The following TTC28 variants were observed in gnomAD, a reference collection of about 807,000 sequenced individuals.
The protein encoded by TTC28 is tetratricopeptide repeat domain 28, also known as tetratricopeptide repeat protein 28.
TTC28 carries 61 observed loss-of-function variants against 198.0 expected under a neutral mutation model. The ratio of observed to expected loss-of-function variants is 0.31; its 90% CI spans 0.25 to 0.38. The LOEUF (loss-of-function observed/expected upper bound fraction) is 0.38, where lower values mean the gene tolerates loss of function less well. TTC28 is among the 10% of genes least tolerant of loss of function. The probability of loss-of-function intolerance (pLI) is 1.00; values close to 1 mark genes in which losing one functional copy is unlikely to be tolerated. For synonymous variants in TTC28, 1,171 were observed against 1,297.8 expected (o/e 0.90, Z 2.10); for missense variants, 2,678 against 3,164.0 (o/e 0.85, Z 3.69).
intron 2 of TTC28, among the ~76,000 whole-genome samples, chr22:28,568,363 G>C (rs534792607): frequency 9.5e-4 from 145 of 152,312 alleles, no homozygotes; most frequent in African/African-American, 2.7e-3. Context: ...GTCCTAGCCA[G>C]AGCAATCAGA....
chr22:28,629,613 T>G lies in TTC28; in HGVS notation c.320A>C (p.Gln107Pro). The stretch of plus-strand genomic sequence containing the variant: ...TGCATCATCCAGTGCCTTGTCATAC[T>G]GCTGGATTTTCATGTAGGCTGCAGA... ...NRSAAYMKIQ[Q>P]YDKALDDAIK... Residue 107 changes from glutamine (Q) to proline (P), a missense_variant, in exon 2 of 23, where the codon CAG becomes CCG. Transcript: ENST00000397906. 1 of 1,551,740 alleles carries G rather than the reference T, an allele frequency of 6.4e-7. No homozygotes were observed. Among genetic ancestry groups the G allele is most frequent in the East Asian group, 2.4e-5 (1 of 40,922 alleles).
At chr22:28,064,188 A>G (rs1940663011) in intron 12 of TTC28, among the ~76,000 whole-genome samples, 1 of 152,174 alleles carries the variant, frequency 6.6e-6, no homozygotes, top group African/African-American at 2.4e-5. Flanking sequence ...TGGTCATGTT[A>G]TATTTAGTTT....
intron 2 of TTC28, among the ~76,000 whole-genome samples, chr22:28,378,367 A>G (rs1164621016): frequency 6.7e-6 from 1 of 149,138 alleles, no homozygotes; most frequent in Non-Finnish European, 1.5e-5. Flanking sequence ...AAAAAAAGCT[A>G]AAAACCAGAG....
intron 2 of TTC28, among the ~76,000 whole-genome samples, chr22:28,429,607 A>G (rs1173085768): frequency 6.6e-6 from 1 of 152,316 alleles, no homozygotes; most frequent in East Asian, 1.9e-4. Flanking sequence ...CCATCTAGAC[A>G]TATGTCCATC....
At chr22:28,417,204 G>A (rs2047179512) in intron 2 of TTC28, among the ~76,000 whole-genome samples, 1 of 143,720 alleles carries the variant, frequency 7.0e-6, no homozygotes, top group Admixed American at 7.3e-5. Context: ...GCCTAGGCAA[G>A]AGTAATCCCA....
intron 8 of TTC28, among the ~76,000 whole-genome samples, chr22:28,102,060 TC>T (rs1346832426): frequency 6.6e-6 from 1 of 152,114 alleles, no homozygotes; most frequent in Non-Finnish European, 1.5e-5. Flanking sequence ...AAAGGAAAAC[TC>T]CTGGCTGATA....
chr22:28,194,787 ATAAT>A (rs1450220787), intron 5 of TTC28, among the ~76,000 whole-genome samples: 1 of 125,588 alleles, frequency 8.0e-6, no homozygotes, highest in African/African-American at 3.3e-5. Flanking sequence ...AATTGAGGCA[ATAAT>A]TAATAGCCTA....
At chr22:28,157,043 A>G (rs879846064) in intron 6 of TTC28, among the ~76,000 whole-genome samples, 2 of 152,160 alleles carry the variant, frequency 1.3e-5, no homozygotes, top group Non-Finnish European at 2.9e-5. Flanking sequence ...AAATTGACAA[A>G]CCTTTAGCCA....
intron 5 of TTC28, among the ~76,000 whole-genome samples, chr22:28,245,558 A>T (rs1930025034): frequency 6.6e-6 from 1 of 152,222 alleles, no homozygotes; most frequent in South Asian, 2.1e-4. Context: ...CACAAAAGAA[A>T]TGAACATTTC....
At chr22:28,602,089 G>C (rs1404909864) in intron 2 of TTC28, among the ~76,000 whole-genome samples, 1 of 152,136 alleles carries the variant, frequency 6.6e-6, no homozygotes, top group Non-Finnish European at 1.5e-5. Flanking sequence ...TGAACTGCAG[G>C]TTAGGTACTA....
chr22:28,370,078 A>G (rs967453824), intron 2 of TTC28, among the ~76,000 whole-genome samples: 1 of 152,172 alleles, frequency 6.6e-6, no homozygotes, highest in African/African-American at 2.4e-5. Flanking sequence ...GGGCTTAGCC[A>G]GTGAGAGGCA....
intron 2 of TTC28, among the ~76,000 whole-genome samples, chr22:28,425,243 T>C (rs1157377262): frequency 1.3e-5 from 2 of 152,228 alleles, no homozygotes; most frequent in Non-Finnish European, 2.9e-5. Context: ...ATGTAACCTG[T>C]CAGAACTCTG....
intron 6 of TTC28, among the ~76,000 whole-genome samples, chr22:28,144,175 G>A (rs1943406287): frequency 6.6e-6 from 1 of 152,170 alleles, no homozygotes; most frequent in African/African-American, 2.4e-5. Flanking sequence ...CTATCCTAGA[G>A]ATTCTAGTCT....
intron 6 of TTC28, among the ~76,000 whole-genome samples, chr22:28,152,207 G>T (rs914589510): frequency 6.6e-6 from 1 of 152,208 alleles, no homozygotes; most frequent in Non-Finnish European, 1.5e-5. Context: ...TAGGAAAAGA[G>T]GAGAAAGGGC....
intron 2 of TTC28, among the ~76,000 whole-genome samples, chr22:28,357,528 C>G (rs1417693344): frequency 1.3e-5 from 2 of 151,858 alleles, no homozygotes; most frequent in Non-Finnish European, 2.9e-5. Context: ...CCAGGCTGGT[C>G]CTGAATTCCT....
chr22:28,400,007 A>G (rs2046879199), intron 2 of TTC28, among the ~76,000 whole-genome samples: 1 of 152,256 alleles, frequency 6.6e-6, no homozygotes, highest in Admixed American at 6.5e-5. Context: ...TCAGCACTGT[A>G]TGTATATCCT....
intron 5 of TTC28, among the ~76,000 whole-genome samples, chr22:28,271,329 C>T (rs1014390111): frequency 1.3e-5 from 2 of 152,112 alleles, no homozygotes; most frequent in Admixed American, 6.5e-5. Flanking sequence ...CTGGCATGCT[C>T]ATTAAGTTGA....
intron 1 of TTC28, among the ~76,000 whole-genome samples, chr22:28,641,708 A>G (rs1052657376): frequency 6.6e-6 from 1 of 152,230 alleles, no homozygotes; most frequent in Admixed American, 6.5e-5. Context: ...GAATTAATAA[A>G]TAGCAGGCCT....
intron 2 of TTC28, among the ~76,000 whole-genome samples, chr22:28,384,619 G>A (rs546329748): frequency 9.8e-5 from 15 of 152,288 alleles, no homozygotes; most frequent in African/African-American, 3.4e-4. Flanking sequence ...TATTCTCGCA[G>A]TTAACTGGGT....
Sources: gnomAD v4.1 joint callset for allele counts (sites outside exome capture counted in the v4.1 genomes callset) on GRCh38, gnomAD v4.1.1 for gene constraint, MANE v1.5 for transcripts, NCBI Gene and HGNC (gene_info 2026-07-23, HGNC 2026-07-21) for gene names.